Variants in C4orf36 observed in about 807,000 individuals in gnomAD.
C4orf36 encodes chromosome 4 open reading frame 36.
C4orf36 carries 11 observed loss-of-function variants against 12.2 expected under a neutral mutation model. The ratio of observed to expected loss-of-function variants is 0.90; its 90% CI spans 0.57 to 1.49. The LOEUF (loss-of-function observed/expected upper bound fraction) is 1.49. Ranked by LOEUF, C4orf36 falls within the 40% of genes most tolerant of loss-of-function variation. C4orf36 has a pLI of 0.00. For missense variants in C4orf36, 137 were observed against 133.9 expected, an observed-to-expected ratio of 1.02 and a Z score of -0.11; for synonymous variants, 54 against 51.3, an observed-to-expected ratio of 1.05 and a Z score of -0.22.
At chr4:86,918,336 C>G in the C4orf36 span, among the ~76,000 whole-genome samples, 1 of 152,156 alleles carries the variant, frequency 6.6e-6, no homozygotes, top group Non-Finnish European at 1.5e-5. Context: ...TGCTTTGAAT[C>G]AGAGACCGTG....
chr4:86,901,558 C>T, the C4orf36 span, among the ~76,000 whole-genome samples: 16 of 151,186 alleles, frequency 1.1e-4, no homozygotes. Context: ...CAGGCACCCG[C>T]CACCGCACCC....
chr4:86,896,693 C>T (rs1747597203), upstream of C4orf36, among the ~76,000 whole-genome samples: 3 of 152,198 alleles, frequency 2.0e-5, no homozygotes, highest in Non-Finnish European at 4.4e-5. Flanking sequence ...ATGTAACTAT[C>T]ATTTCTCCTT....
the C4orf36 span, among the ~76,000 whole-genome samples, chr4:86,912,110 G>A: frequency 2.6e-5 from 4 of 151,056 alleles, no homozygotes; most frequent in African/African-American, 9.7e-5. Context: ...CCTGACCGCA[G>A]GTGATCCACC....
At chr4:86,919,119 G>GGAGAGAGAGAGAGA in the C4orf36 span, among the ~76,000 whole-genome samples, 20 of 145,352 alleles carry the variant, frequency 1.4e-4, no homozygotes, top group African/African-American at 4.6e-4. Context: ...CCCAGCTCCA[G>GGAGAGAGAGAGAGA]GAGAGAGAGA....
chr4:86,929,699 T>C, the C4orf36 span, among the ~76,000 whole-genome samples: 2 of 152,214 alleles, frequency 1.3e-5, no homozygotes, highest in Non-Finnish European at 2.9e-5. Context: ...CTTACTTCTC[T>C]TTATATCCCC....
At chr4:86,877,790 G>T (rs1395620159) in intron 4 of C4orf36, among the ~76,000 whole-genome samples, 3 of 152,160 alleles carry the variant, frequency 2.0e-5, no homozygotes, top group Non-Finnish European at 4.4e-5. Context: ...GACCTACATG[G>T]ATTATAACCC....
chr4:86,934,704 T>G, the C4orf36 span: 2 of 152,236 alleles, frequency 1.3e-5, no homozygotes, highest in Admixed American at 6.5e-5. Context: ...GCTCAGAACT[T>G]GACCCTGAGC....
chr4:86,930,862 TATA>T, the C4orf36 span, among the ~76,000 whole-genome samples: 1 of 152,212 alleles, frequency 6.6e-6, no homozygotes, highest in African/African-American at 2.4e-5. Context: ...TTATTTTAAT[TATA>T]ATAATTGTGC....
the C4orf36 span, chr4:86,935,746 G>A: frequency 6.6e-6 from 1 of 152,460 alleles, no homozygotes; most frequent in Admixed American, 6.5e-5. Context: ...GAGCAGGAGG[G>A]AGGCGTGTGT....
At chr4:86,901,151 A>ATTTTT in the C4orf36 span, among the ~76,000 whole-genome samples, 1 of 151,026 alleles carries the variant, frequency 6.6e-6, no homozygotes, top group South Asian at 2.1e-4. Flanking sequence ...CACCCGGCTA[A>ATTTTT]TTTTTGTATT....
the C4orf36 span, among the ~76,000 whole-genome samples, chr4:86,923,594 C>T: frequency 4.6e-5 from 7 of 151,930 alleles, no homozygotes; most frequent in East Asian, 1.4e-3. Context: ...CCTGTCTCTA[C>T]TAAAAATACA....
At chr4:86,910,184 G>A in the C4orf36 span, among the ~76,000 whole-genome samples, 3 of 151,110 alleles carry the variant, frequency 2.0e-5, no homozygotes, top group African/African-American at 7.4e-5. Context: ...CCTCATGCCT[G>A]TAATCCCAGC....
At chr4:86,935,762 G>C in the C4orf36 span, 1 of 152,350 alleles carries the variant, frequency 6.6e-6, no homozygotes. Flanking sequence ...TGTGTCGGTG[G>C]TCCGTAGCCT....
chr4:86,887,637 AGTGGCCCATCCACCAGTGGG>A, intron 4 of C4orf36, 101 bp downstream of exon 4: 1 of 1,151,072 alleles, frequency 8.7e-7, no homozygotes, highest in Non-Finnish European at 1.2e-6. Context: ...AGCTGTGGGC[AGTGGCCCATCCACCAGTGGG>A]CATTCAAATA....
chr4:86,891,725 C>T (rs1488326506), intron 1 of C4orf36, 132 bp from the exon 2 acceptor site: 3 of 843,960 alleles, frequency 3.6e-6, no homozygotes, highest in South Asian at 5.5e-5. Flanking sequence ...AGTGTAAAAC[C>T]GTGTTCTCTT....
At position 86,887,803 on chromosome 4, in the gene C4orf36, C is replaced by G; in HGVS notation, c.311G>C (p.Arg104Thr). The change falls in exon 4 of 5, where the codon AGG (arginine) becomes ACG (threonine). Residue 104 changes from arginine to threonine, a missense_variant. Transcript: ENST00000295898. ...NTSKEIQLLL[R>T]ERPAGLRRPL... ...TCTTCTCAAACCGGCTGGCCTTTCC[C>G]TCAGGAGAAGCTGAATTTCCTTAGA... 6.2e-7 allele frequency: 1 copy of G among 1,614,242 alleles called. No homozygotes were observed. Among genetic ancestry groups the G allele is most frequent in the Non-Finnish European group, 8.5e-7 (1 of 1,180,044 alleles).
At chr4:86,917,345 T>TGGAAGGAA in the C4orf36 span, among the ~76,000 whole-genome samples, 1 of 44,810 alleles carries the variant, frequency 2.2e-5, no homozygotes, top group South Asian at 6.6e-4. Context: ...GAAGGAAGGA[T>TGGAAGGAA]GGAAGGAAGG....
At chr4:86,876,660 ACACAGTGTATCTTT>A in intron 4 of C4orf36, 1 of 1,612,880 alleles carries the variant, frequency 6.2e-7, no homozygotes, top group Non-Finnish European at 8.5e-7. Context: ...GTATTTACAT[ACACAGTGTATCTTT>A]CTGAAATTGT....
the C4orf36 span, among the ~76,000 whole-genome samples, chr4:86,917,047 G>A: frequency 6.6e-6 from 1 of 152,192 alleles, no homozygotes; most frequent in Non-Finnish European, 1.5e-5. Flanking sequence ...GGAGGCCAAG[G>A]TGGGAAGATT....
Sources: allele counts gnomAD v4.1 joint callset (sites outside exome capture counted in the v4.1 genomes callset), GRCh38; gene constraint gnomAD v4.1.1; transcripts MANE v1.5; gene names NCBI Gene and HGNC (gene_info 2026-07-23, HGNC 2026-07-21).